The following CCNC variants were observed in gnomAD, a reference collection of about 807,000 sequenced individuals.
The protein encoded by CCNC is cyclin-C.
A neutral mutation model predicts 50.0 loss-of-function variants in CCNC; 19 were observed. The observed-to-expected ratio is 0.38, with a 90% confidence interval of 0.27 to 0.56. The LOEUF (loss-of-function observed/expected upper bound fraction) is 0.56, where lower values mean the gene tolerates loss of function less well. Ranked by LOEUF, CCNC falls within the 20% of genes least tolerant of loss-of-function variation. CCNC has a pLI of 0.72. For synonymous variants in CCNC, 93 were observed against 103.7 expected, an observed-to-expected ratio of 0.90 and a Z score of 0.63; for missense variants, 200 against 327.1, an observed-to-expected ratio of 0.61 and a Z score of 3.00.
chr6:99,561,866 T>C (rs1802794804), intron 2 of CCNC, 185 bp from the exon 3 acceptor site: 3 of 434,188 alleles, frequency 6.9e-6, no homozygotes, highest in Admixed American at 4.0e-5. Flanking sequence ...TTAAGAAATA[T>C]ATAGGTATGC....
intron 1 of CCNC, 100 bp downstream of exon 1, chr6:99,568,396 T>G: frequency 8.2e-7 from 1 of 1,221,744 alleles, no homozygotes; most frequent in Non-Finnish European, 1.2e-6. Flanking sequence ...ACCCCGGCAC[T>G]CGGAACTGAG....
chr6:99,546,085 C>A (rs1416502147), intron 10 of CCNC, among the ~76,000 whole-genome samples: 1 of 152,100 alleles, frequency 6.6e-6, no homozygotes, highest in Non-Finnish European at 1.5e-5. Context: ...TCTGTCTCAG[C>A]CTCCCGAGTA....
Position 99,567,420 on chromosome 6 carries a change from C to T in CCNC, c.32+1076G>A, listed in dbSNP as rs9385794. 9.6e-5 allele frequency among the ~76,000 whole-genome samples: 8 copies of T among 83,642 alleles called. No homozygotes were observed. The East Asian group carries it at 3.0e-3, about 32-fold the overall frequency. The allele number at this position is 83,642 out of a possible 152,430, so 54.9% of individuals were successfully genotyped here. A position where few individuals can be genotyped will look rare whatever the true frequency, so the allele number is the denominator to read the frequency against. ...ATATATATATACATACACACACACA[C>T]ATATATATACACACACACACATATG... On this transcript the variant is annotated intron_variant, in intron 1 of 11. Transcript: ENST00000520429.
intron 9 of CCNC, among the ~76,000 whole-genome samples, chr6:99,548,130 A>G (rs1018783250): frequency 3.9e-5 from 6 of 152,196 alleles, no homozygotes; most frequent in Non-Finnish European, 8.8e-5. Context: ...ATGGATATAA[A>G]GAACTGCCAA....
intron 7 of CCNC, 49 bp from the exon 8 acceptor site, chr6:99,550,358 A>T: frequency 7.7e-7 from 1 of 1,296,690 alleles, no homozygotes; most frequent in South Asian, 1.3e-5. Flanking sequence ...GATTTATTAC[A>T]ACACAAAAAT....
intron 10 of CCNC, among the ~76,000 whole-genome samples, chr6:99,546,188 A>G (rs929282161): frequency 2.0e-5 from 3 of 151,454 alleles, no homozygotes; most frequent in Non-Finnish European, 4.4e-5. Context: ...CTGGTCTTGA[A>G]CTCCTGACCT....
chr6:99,543,657 T>C (rs1299556757), intron 11 of CCNC, 48 bp from the exon 12 acceptor site: 1 of 1,606,988 alleles, frequency 6.2e-7, no homozygotes, highest in Admixed American at 1.7e-5. Context: ...AAAAGATCCA[T>C]TTTTACACCC....
At chr6:99,561,980 AT>A (rs1460428390) in intron 2 of CCNC, 1 of 178,412 alleles carries the variant, frequency 5.6e-6, no homozygotes, top group Non-Finnish European at 1.2e-5. Flanking sequence ...TCTTCTAAAT[AT>A]TTTTAATGCT....
intron 11 of CCNC, chr6:99,544,309 G>A: frequency 1.3e-6 from 2 of 1,531,872 alleles, no homozygotes; most frequent in African/African-American, 1.4e-5. Flanking sequence ...CTGTTTGAAT[G>A]ACTGCCTTAA....
chr6:99,550,454 C>G, intron 7 of CCNC, 145 bp from the exon 8 acceptor site: 2 of 619,220 alleles, frequency 3.2e-6, no homozygotes, highest in Non-Finnish European at 5.7e-6. Context: ...TTCTCTTAAG[C>G]TAGCAGTATG....
At chr6:99,563,939 A>G (rs1768982783) in intron 1 of CCNC, among the ~76,000 whole-genome samples, 2 of 152,148 alleles carry the variant, frequency 1.3e-5, no homozygotes, top group Non-Finnish European at 2.9e-5. Flanking sequence ...TTCCTGAATG[A>G]TATTCTTCTT....
chr6:99,544,014 CAA>C (rs58452257), intron 11 of CCNC: 284,550 of 973,184 alleles, frequency 0.29, 9,325 homozygotes, highest in Middle Eastern at 0.38. Context: ...AAGTGTTCTT[CAA>C]AAAAAAAAAA....
Position 99,556,819 on chromosome 6 carries a change from G to T in CCNC, c.346+1678C>A, listed in dbSNP as rs544576. On this transcript the variant is annotated intron_variant, in intron 5 of 11. Transcript: ENST00000520429. ...ACCTGTAATCCCAGCTACCAGGGAG[G>T]ATGAGGCAGGAGAATCGCTTGAACC... Among the ~76,000 whole-genome samples the T allele has an allele frequency of 2.0e-3, 307 of 152,096 alleles. 3 individuals are homozygous for T. Among genetic ancestry groups the T allele is most frequent in the African/African-American group, 6.2e-3 (259 of 41,490 alleles).
chr6:99,555,062 T>C (rs1434664834), intron 5 of CCNC, among the ~76,000 whole-genome samples: 1 of 152,252 alleles, frequency 6.6e-6, no homozygotes, highest in Non-Finnish European at 1.5e-5. Flanking sequence ...GCTATTGATT[T>C]ACGTAATTGT....
chr6:99,557,116 T>C (rs1802552418), intron 5 of CCNC: 3 of 152,216 alleles, frequency 2.0e-5, no homozygotes. Flanking sequence ...ATCTCTTGCA[T>C]TTCCCCAGTT....
intron 1 of CCNC, chr6:99,568,014 G>A (rs910922519): frequency 6.4e-6 from 1 of 156,456 alleles, no homozygotes; most frequent in African/African-American, 2.4e-5. Context: ...GCAGAAACAA[G>A]CCAGACTCTC....
intron 8 of CCNC, among the ~76,000 whole-genome samples, chr6:99,550,017 T>C (rs1456829996): frequency 6.6e-6 from 1 of 152,186 alleles, no homozygotes; most frequent in Non-Finnish European, 1.5e-5. Context: ...GGTATATTTA[T>C]GGAACAGATA....
At chr6:99,558,188 A>C (rs1221580847) in intron 5 of CCNC, 13 of 382,178 alleles carry the variant, frequency 3.4e-5, no homozygotes, top group Non-Finnish European at 2.3e-5. Flanking sequence ...GAAAACAATA[A>C]AATACAATAA....
chr6:99,565,391 T>C (rs1486935144), intron 1 of CCNC, among the ~76,000 whole-genome samples: 1 of 152,086 alleles, frequency 6.6e-6, no homozygotes, highest in African/African-American at 2.4e-5. Flanking sequence ...CTGTTGCTAA[T>C]GTAAATTATA....
Sources: allele counts gnomAD v4.1 joint callset (sites outside exome capture counted in the v4.1 genomes callset), GRCh38; gene constraint gnomAD v4.1.1; transcripts MANE v1.5; gene names NCBI Gene and HGNC (gene_info 2026-07-23, HGNC 2026-07-21).